The following THAP4 variants were observed in gnomAD, a reference collection of about 807,000 sequenced individuals.
THAP4 encodes the protein THAP domain containing 4.
Under a neutral mutation model 48.1 loss-of-function variants are expected in THAP4, and 18 were observed. The observed-to-expected ratio is 0.37, with a 90% CI of 0.26 to 0.56. The LOEUF (loss-of-function observed/expected upper bound fraction) is 0.56, where lower values mean the gene tolerates loss of function less well. Among genes scored for constraint, THAP4 ranks in the 20% least tolerant of loss-of-function variants. The probability of loss-of-function intolerance (pLI) is 0.78; values close to 1 mark genes in which losing one functional copy is unlikely to be tolerated. For missense variants in THAP4, 656 were observed against 774.9 expected, an observed-to-expected ratio of 0.85 and a Z score of 1.82; for synonymous variants, 345 against 324.9, an observed-to-expected ratio of 1.06 and a Z score of -0.66.
chr2:241,607,887 G>A (rs6714449), intron 2 of THAP4, among the ~76,000 whole-genome samples: 31,113 of 107,170 alleles, frequency 0.29, 5,961 homozygotes, highest in South Asian at 0.42. Flanking sequence ...CCAGGCCCGC[G>A]CAAGCAGAAG....
upstream of THAP4, chr2:241,637,330 C>A: frequency 7.9e-7 from 1 of 1,262,560 alleles, no homozygotes; most frequent in South Asian, 1.4e-5. Context: ...CAAGTCCGTA[C>A]CGCGACATGG....
upstream of THAP4, chr2:241,637,254 G>C: frequency 2.9e-6 from 3 of 1,046,426 alleles, no homozygotes; most frequent in Non-Finnish European, 3.5e-6. Context: ...CCAGCGGGGC[G>C]CCGCAGGCCC....
chr2:241,588,455 G>T (rs1209835137), intron 5 of THAP4, among the ~76,000 whole-genome samples: 1 of 152,098 alleles, frequency 6.6e-6, no homozygotes, highest in African/African-American at 2.4e-5. Context: ...AAATGCAAAG[G>T]GTCCTAGGAT....
At chr2:241,636,312 C>T (rs1294289485) in intron 1 of THAP4, among the ~76,000 whole-genome samples, 1 of 152,248 alleles carries the variant, frequency 6.6e-6, no homozygotes, top group Admixed American at 6.5e-5. Context: ...GTGCCTCCCG[C>T]GTGTAATCCG....
intron 2 of THAP4, among the ~76,000 whole-genome samples, chr2:241,618,188 G>A (rs1420947323): frequency 6.6e-6 from 1 of 152,226 alleles, no homozygotes; most frequent in Non-Finnish European, 1.5e-5. Context: ...GGGAACTGTT[G>A]TTTTAAAGTG....
chr2:241,595,614 G>A (rs2067037678), intron 5 of THAP4, among the ~76,000 whole-genome samples: 1 of 151,540 alleles, frequency 6.6e-6, no homozygotes, highest in African/African-American at 2.4e-5. Flanking sequence ...TCCAGCCTGG[G>A]CAACAAGAGC....
intron 2 of THAP4, 39 bp downstream of exon 2, chr2:241,632,878 C>T (rs1391306493): frequency 1.4e-5 from 21 of 1,485,500 alleles, no homozygotes; most frequent in Non-Finnish European, 1.7e-5. Flanking sequence ...CCCCTCCTAA[C>T]GGGAAGGGAA....
intron 2 of THAP4, among the ~76,000 whole-genome samples, chr2:241,629,794 T>C (rs1332854758): frequency 6.6e-6 from 1 of 151,362 alleles, no homozygotes; most frequent in African/African-American, 2.4e-5. Flanking sequence ...AACTTGGACA[T>C]ACAAGCAGAA....
At chr2:241,631,868 T>C (rs113410777) in intron 2 of THAP4, among the ~76,000 whole-genome samples, 1,669 of 152,274 alleles carry the variant, frequency 0.011, 28 homozygotes, top group African/African-American at 0.039. Flanking sequence ...GTTTTAATTT[T>C]TGCAACAGAG....
rs919795884 is a variant in THAP4, at chr2:241,603,021, G to A, written c.1459C>T (p.Arg487Cys). The change falls in exon 4 of 6, where the codon CGC becomes TGC. Residue 487 changes from arginine to cysteine, a missense_variant. This residue lies in a region of THAP4 where 176 missense variants were observed against 256.7 expected (regional missense o/e 0.69). Transcript: ENST00000407315. Reference sequence around the variant, plus strand: ...ACCTTGTTGGTGTCGGGCTTGAGGCGAATGAAGCCACACTCTCTGTGCATC... The same window carrying A: ...ACCTTGTTGGTGTCGGGCTTGAGGCAAATGAAGCCACACTCTCTGTGCATC... The part of the protein sequence containing the change: ...KPMHRECGFI[R>C]LKPDTNKVAF... 10 of 1,614,036 alleles carry A rather than the reference G, an allele frequency of 6.2e-6. No homozygotes were observed. Among genetic ancestry groups the A allele is most frequent in the Admixed American group, 3.3e-5 (2 of 60,008 alleles).
chr2:241,636,726 C>T (rs1424367903), intron 1 of THAP4, among the ~76,000 whole-genome samples: 1 of 151,624 alleles, frequency 6.6e-6, no homozygotes, highest in Non-Finnish European at 1.5e-5. Flanking sequence ...CAGGGCGGAC[C>T]CAGGCGGCCG....
intron 2 of THAP4, among the ~76,000 whole-genome samples, chr2:241,624,485 C>CA (rs112411066): frequency 0.03 from 4,000 of 132,838 alleles, 147 homozygotes; most frequent in African/African-American, 0.096. Flanking sequence ...GACTCTTTCT[C>CA]AAAAAAAAAA....
At chr2:241,622,760 T>C (rs1211578625) in intron 2 of THAP4, among the ~76,000 whole-genome samples, 1 of 151,946 alleles carries the variant, frequency 6.6e-6, no homozygotes, top group Non-Finnish European at 1.5e-5. Context: ...TCACCATGCC[T>C]AGCTAATTTT....
At chr2:241,636,918 G>A in intron 1 of THAP4, 23 bp downstream of exon 1, 17 of 1,217,956 alleles carry the variant, frequency 1.4e-5, no homozygotes, top group Non-Finnish European at 1.8e-5. Context: ...GGGCGGGGGC[G>A]TGGCGGCCCG....
At chr2:241,598,632 T>A (rs1458158981) in intron 5 of THAP4, among the ~76,000 whole-genome samples, 1 of 152,092 alleles carries the variant, frequency 6.6e-6, no homozygotes, top group Non-Finnish European at 1.5e-5. Context: ...TATGCACAAT[T>A]CACAGCAGGG....
chr2:241,605,714 A>AT (rs1298375226), intron 3 of THAP4, among the ~76,000 whole-genome samples: 1 of 149,266 alleles, frequency 6.7e-6, no homozygotes, highest in Non-Finnish European at 1.5e-5. Context: ...TGGGTGACTA[A>AT]TTTTTTTCTT....
chr2:241,613,466 A>C (rs1193704562), intron 2 of THAP4, among the ~76,000 whole-genome samples: 1 of 152,148 alleles, frequency 6.6e-6, no homozygotes, highest in East Asian at 1.9e-4. Flanking sequence ...TTCATTTTAA[A>C]AACTGGGCCG....
At chr2:241,592,803 G>C (rs1350994184) in intron 5 of THAP4, among the ~76,000 whole-genome samples, 1 of 152,198 alleles carries the variant, frequency 6.6e-6, no homozygotes, top group Non-Finnish European at 1.5e-5. Context: ...AATCCTGACA[G>C]CCAAGGAGGG....
At chr2:241,624,134 T>C in intron 2 of THAP4, among the ~76,000 whole-genome samples, 1 of 152,178 alleles carries the variant, frequency 6.6e-6, no homozygotes, top group East Asian at 1.9e-4. Context: ...GCTAGGAGGC[T>C]CTCAGAACCC....
Sources: allele counts gnomAD v4.1 joint callset (sites outside exome capture counted in the v4.1 genomes callset), GRCh38; gene constraint gnomAD v4.1.1; regional missense constraint gnomAD v4.1.1; transcripts MANE v1.5; gene names NCBI Gene and HGNC (gene_info 2026-07-23, HGNC 2026-07-21).